ATP10D: variants seen among roughly 807,000 people sequenced by gnomAD.
ATP10D encodes the protein phospholipid-transporting ATPase VD.
ATP10D carries 89 observed loss-of-function variants against 144.8 expected under a neutral mutation model. The ratio of observed to expected loss-of-function variants is 0.61; its 90% CI spans 0.52 to 0.73. The LOEUF is 0.73. Ranked by LOEUF, ATP10D falls within the 30% of genes least tolerant of loss-of-function variation. ATP10D has a pLI of 0.00. For synonymous variants in ATP10D, 571 were observed against 615.1 expected (o/e 0.93, Z 1.06); for missense variants, 1,603 against 1,714.8 (o/e 0.93, Z 1.15).
chr4:47,497,285 G>A (rs1383693647), intron 1 of ATP10D, among the ~76,000 whole-genome samples: 4 of 151,914 alleles, frequency 2.6e-5, no homozygotes, highest in African/African-American at 4.8e-5. Flanking sequence ...GAGAAATCCC[G>A]TCTCTACTAA....
intron 1 of ATP10D, among the ~76,000 whole-genome samples, chr4:47,487,231 C>CAAA (rs1478374325): frequency 0.03 from 3,907 of 128,188 alleles, 115 homozygotes; most frequent in South Asian, 0.079. Context: ...CTCCGTCCCC[C>CAAA]AAAAAAAAAA....
At chr4:47,522,552 C>T (rs528999638) in intron 3 of ATP10D, among the ~76,000 whole-genome samples, 5 of 152,078 alleles carry the variant, frequency 3.3e-5, no homozygotes, top group South Asian at 2.1e-4. Flanking sequence ...GCCAATTCTG[C>T]GGCTTCCCTT....
intron 18 of ATP10D, among the ~76,000 whole-genome samples, chr4:47,575,914 ACTGGGGTCC>A (rs1215257893): frequency 2.7e-5 from 4 of 146,240 alleles, no homozygotes; most frequent in Non-Finnish European, 6.0e-5. Context: ...ATGAGAGCTC[ACTGGGGTCC>A]CTTTTTTTTT....
rs542584333 is a variant in ATP10D at position 47,522,445 on chromosome 4, A to G, written c.486-567A>G. 4.6e-5 allele frequency among the ~76,000 whole-genome samples: 7 copies of G among 152,340 alleles called. No individual in the cohort carries two copies. The South Asian group carries it at 1.4e-3, about 32-fold the overall frequency. On this transcript the variant is annotated intron_variant, in intron 3 of 22. Transcript: ENST00000273859. ...TCCAGAGTTAGACTCAAACAGCATA[A>G]TGGTTCAAAATCCCACAGGAAGAAA...
chr4:47,576,667 A>G (rs1042883960), intron 18 of ATP10D, 106 bp from the exon 19 acceptor site: 7 of 1,002,980 alleles, frequency 7.0e-6, no homozygotes, highest in Admixed American at 2.0e-5. Context: ...TAAGAAAACT[A>G]CAGAGAGGCT....
chr4:47,546,870 T>G lies in ATP10D; in HGVS notation c.1635+8T>G, dbSNP rs6843502. ...GCTTTCAGTAGCCCCATTGTAAGTATGAATGCATGACTAGAGTCTTGCACA... is the reference window on the plus strand; with the variant it reads ...GCTTTCAGTAGCCCCATTGTAAGTAGGAATGCATGACTAGAGTCTTGCACA... On this transcript the variant is annotated splice_region_variant and intron_variant, in intron 10 of 22. Transcript: ENST00000273859. 9.8e-4 allele frequency: 1,572 copies of G among 1,606,346 alleles called. 15 individuals are homozygous for G. In the African/African-American group the frequency reaches 0.019, roughly 20 times the overall value.
chr4:47,514,505 G>A (rs889192036), intron 2 of ATP10D, among the ~76,000 whole-genome samples: 3 of 152,166 alleles, frequency 2.0e-5, no homozygotes, highest in Non-Finnish European at 4.4e-5. Flanking sequence ...AAGTTTCATG[G>A]TCAATGGAAA....
chr4:47,501,702 T>A (rs1715689689), intron 1 of ATP10D, among the ~76,000 whole-genome samples: 2 of 152,232 alleles, frequency 1.3e-5, no homozygotes, highest in Admixed American at 1.3e-4. Flanking sequence ...AGTTTCTCAC[T>A]CTGTTTCCTC....
intron 11 of ATP10D, 25 bp downstream of exon 11, chr4:47,554,939 A>G (rs1386887379): frequency 1.2e-6 from 2 of 1,600,834 alleles, no homozygotes; most frequent in Non-Finnish European, 1.7e-6. Flanking sequence ...TAATGCAAAC[A>G]AGGGTCACTT....
intron 18 of ATP10D, among the ~76,000 whole-genome samples, chr4:47,576,444 A>G (rs1720248891): frequency 1.3e-5 from 2 of 152,190 alleles, no homozygotes; most frequent in South Asian, 4.1e-4. Flanking sequence ...CATTCAGTTA[A>G]TTACACTTAA....
intron 5 of ATP10D, among the ~76,000 whole-genome samples, chr4:47,530,134 A>AT (rs1717484474): frequency 6.6e-6 from 1 of 151,792 alleles, no homozygotes; most frequent in Admixed American, 6.6e-5. Flanking sequence ...AATGCCTTTT[A>AT]TTTTTTTTCC....
Position 47,581,861 on chromosome 4 carries a change from T to C in ATP10D, c.3649-99T>C, listed in dbSNP as rs1720535494. The C allele has an allele frequency of 6.7e-6, 6 of 902,058 alleles. No homozygotes were observed. In the South Asian group the frequency reaches 7.3e-5, roughly 11 times the overall value. 55.9% of individuals were successfully genotyped at this position (902,058 alleles called of 1,614,324 possible). A position where few individuals can be genotyped will look rare whatever the true frequency, so the allele number is the denominator to read the frequency against. On this transcript the variant is annotated intron_variant, in intron 20 of 22. Transcript: ENST00000273859. Reference sequence around the variant, plus strand: ...ATATGGCCAGTTCACAGGGACCTTGTAGAAGGGATTCAAGCCTTGGTTGAG... The same window carrying C: ...ATATGGCCAGTTCACAGGGACCTTGCAGAAGGGATTCAAGCCTTGGTTGAG...
At chr4:47,541,912 C>A (rs1255401304) in intron 9 of ATP10D, among the ~76,000 whole-genome samples, 1 of 152,054 alleles carries the variant, frequency 6.6e-6, no homozygotes, top group African/African-American at 2.4e-5. Flanking sequence ...AAAGAATAGA[C>A]TTTGTAAGTT....
At chr4:47,572,098 T>G in intron 16 of ATP10D, 56 bp from the exon 17 acceptor site, 1 of 1,520,062 alleles carries the variant, frequency 6.6e-7, no homozygotes, top group Non-Finnish European at 9.1e-7. Flanking sequence ...TTTGCAACAT[T>G]TACACCCTTT....
Position 47,592,775 on chromosome 4 carries a change from T to TA in ATP10D, c.*1395dup, listed in dbSNP as rs541633530. On this transcript the variant is annotated 3_prime_UTR_variant, in exon 23 of 23. Coordinates refer to ENST00000273859, the MANE Select transcript of ATP10D (RefSeq NM_020453.4). ...TCTGTTATTATTGGAAATAGTCTCT[T>TA]ACATAAGCTGATTTCGAGAACTTTC... 2 of 152,588 alleles carry TA rather than the reference T, an allele frequency of 1.3e-5. No homozygotes were observed. Among genetic ancestry groups the TA allele is most frequent in the Non-Finnish European group, 2.9e-5 (2 of 68,006 alleles). 9.5% of individuals were successfully genotyped at this position (152,588 alleles called of 1,614,324 possible). A position where few individuals can be genotyped will look rare whatever the true frequency, so the allele number is the denominator to read the frequency against.
At chr4:47,517,836 A>G (rs1353156350) in intron 3 of ATP10D, among the ~76,000 whole-genome samples, 1 of 152,198 alleles carries the variant, frequency 6.6e-6, no homozygotes, top group Admixed American at 6.5e-5. Flanking sequence ...TGATTTTCAT[A>G]TAAACTTAAA....
rs755222321 is a variant in ATP10D, at chr4:47,515,588, G to A, written c.403G>A (p.Ala135Thr). 11 of 1,612,818 alleles carry A rather than the reference G, an allele frequency of 6.8e-6. No homozygotes were observed. The highest frequency in any genetic ancestry group is 1.6e-4 in the Middle Eastern group (1 of 6,076). ...TCTGGTGGTGGTCCTTACAATTATC[G>A]CAATTAAAGATGGCCTGGAAGATTA... is the stretch of plus-strand genomic sequence containing the variant. ...LPLVVVLTII[A>T]IKDGLEDYRK... Residue 135 changes from alanine (A) to threonine (T), a missense_variant, in exon 3 of 23, where the codon GCA becomes ACA. Physicochemically the swap from Ala to Thr is moderately conservative, Grantham distance 58. Coordinates refer to ENST00000273859, the MANE Select transcript of ATP10D (RefSeq NM_020453.4).
chr4:47,502,426 C>T (rs1292021726), intron 1 of ATP10D, among the ~76,000 whole-genome samples: 4 of 151,260 alleles, frequency 2.6e-5, no homozygotes, highest in African/African-American at 7.3e-5. Context: ...GCCGAGATAG[C>T]GCCACTGCAC....
At chr4:47,574,994 G>A (rs913230834) in intron 18 of ATP10D, among the ~76,000 whole-genome samples, 3 of 151,730 alleles carry the variant, frequency 2.0e-5, no homozygotes, top group Non-Finnish European at 4.4e-5. Flanking sequence ...TTTTTTTTGC[G>A]GGGGGAGAGA....
Sources: gnomAD v4.1 joint callset for allele counts (sites outside exome capture counted in the v4.1 genomes callset) on GRCh38, gnomAD v4.1.1 for gene constraint, MANE v1.5 for transcripts, NCBI Gene and HGNC (gene_info 2026-07-23, HGNC 2026-07-21) for gene names.